Variants in PTPRD observed in about 807,000 individuals in gnomAD.
PTPRD encodes receptor-type tyrosine-protein phosphatase delta.
A neutral mutation model predicts 214.5 loss-of-function variants in PTPRD; 34 were observed. The observed-to-expected ratio is 0.16, with a 90% CI of 0.12 to 0.21. The LOEUF (loss-of-function observed/expected upper bound fraction) is 0.21. Ranked by LOEUF, PTPRD falls within the 10% of genes least tolerant of loss-of-function variation. PTPRD has a pLI of 1.00. For synonymous variants in PTPRD, 1,128 were observed against 845.7 expected, an observed-to-expected ratio of 1.33 and a Z score of -5.79; for missense variants, 2,545 against 2,398.7, an observed-to-expected ratio of 1.06 and a Z score of -1.27.
intron 2 of PTPRD, among the ~76,000 whole-genome samples, chr9:10,593,110 G>C (rs1316628148): frequency 6.6e-6 from 1 of 152,004 alleles, no homozygotes; most frequent in Non-Finnish European, 1.5e-5. Flanking sequence ...AGACACAGTA[G>C]AATATAATAC....
chr9:8,329,955 GGGAGTGGATCGTATCTTGCTGGGCTCTGT>G lies in PTPRD; in HGVS notation c.5534+1598_5534+1626del, dbSNP rs540966233. ...TGGATCGTATCTTGCTGGGCTCTGT[GGGAGTGGATCGTATCTTGCTGGGCTCTGT>G]GGGGGTGGGACACACCAAGCCAGGC... is the stretch of plus-strand genomic sequence containing the variant. On this transcript the variant is annotated intron_variant, in intron 44 of 45. Transcript: ENST00000381196. Among the ~76,000 whole-genome samples the G allele has an allele frequency of 2.9e-3, 161 of 55,634 alleles. 1 individual carries two copies. In the African/African-American group the frequency reaches 0.048, roughly 16 times the overall value. The allele number at this position is 55,634 out of a possible 152,430, so 36.5% of individuals were successfully genotyped here. A position where few individuals can be genotyped will look rare whatever the true frequency, so the allele number is the denominator to read the frequency against.
chr9:9,296,167 G>A (rs1256902308), intron 9 of PTPRD, among the ~76,000 whole-genome samples: 1 of 151,678 alleles, frequency 6.6e-6, no homozygotes, highest in Admixed American at 6.6e-5. Flanking sequence ...TTAACAAAAG[G>A]GCTATAAAAT....
At chr9:10,570,811 T>C (rs1193869330) in intron 2 of PTPRD, among the ~76,000 whole-genome samples, 1 of 152,126 alleles carries the variant, frequency 6.6e-6, no homozygotes, top group African/African-American at 2.4e-5. Flanking sequence ...TCAAGTGCTC[T>C]ATTGGCTTAC....
At chr9:10,165,602 A>C (rs922639093) in intron 3 of PTPRD, among the ~76,000 whole-genome samples, 46 of 151,796 alleles carry the variant, frequency 3.0e-4, no homozygotes, top group African/African-American at 1.0e-3. Flanking sequence ...TAATGTTTTA[A>C]AAGACTCAAT....
At chr9:10,057,629 G>T (rs1288405597) in intron 3 of PTPRD, among the ~76,000 whole-genome samples, 1 of 152,050 alleles carries the variant, frequency 6.6e-6, no homozygotes, top group Non-Finnish European at 1.5e-5. Flanking sequence ...TGGATCACGA[G>T]GTCAGGAGTT....
At chr9:8,638,647 C>G (rs1342984226) in intron 12 of PTPRD, among the ~76,000 whole-genome samples, 1 of 152,070 alleles carries the variant, frequency 6.6e-6, no homozygotes, top group Admixed American at 6.5e-5. Context: ...TGAATTACCA[C>G]CTCATCAGCA....
chr9:9,759,302 T>C (rs2098628117), intron 6 of PTPRD, among the ~76,000 whole-genome samples: 1 of 152,108 alleles, frequency 6.6e-6, no homozygotes. Flanking sequence ...ATTGGTAAAC[T>C]GGCACTGACT....
At chr9:9,111,552 C>T (rs533040232) in intron 10 of PTPRD, among the ~76,000 whole-genome samples, 67 of 152,242 alleles carry the variant, frequency 4.4e-4, no homozygotes, top group African/African-American at 1.3e-3. Flanking sequence ...CCAATACACA[C>T]TTTGGGAATT....
intron 2 of PTPRD, among the ~76,000 whole-genome samples, chr9:10,543,555 T>A (rs1192983540): frequency 1.3e-5 from 2 of 152,046 alleles, no homozygotes; most frequent in African/African-American, 2.4e-5. Flanking sequence ...TGTAAATATA[T>A]GTTTATGACC....
intron 3 of PTPRD, among the ~76,000 whole-genome samples, chr9:10,245,380 C>T (rs543917480): frequency 4.3e-4 from 65 of 152,230 alleles, no homozygotes; most frequent in African/African-American, 1.4e-3. Context: ...TATTTAATCA[C>T]ACCATTTTAT....
chr9:10,328,411 C>T (rs2096685858), intron 3 of PTPRD, among the ~76,000 whole-genome samples: 1 of 151,550 alleles, frequency 6.6e-6, no homozygotes, highest in Admixed American at 6.6e-5. Context: ...AAAGTAAGAG[C>T]AGCTTTTTAT....
At chr9:9,934,732 C>G (rs568498334) in intron 5 of PTPRD, among the ~76,000 whole-genome samples, 1 of 151,522 alleles carries the variant, frequency 6.6e-6, no homozygotes, top group Non-Finnish European at 1.5e-5. Flanking sequence ...TTTATGAGGC[C>G]AGCATCATTT....
intron 10 of PTPRD, among the ~76,000 whole-genome samples, chr9:9,052,590 T>C (rs2099688286): frequency 6.6e-6 from 1 of 152,202 alleles, no homozygotes; most frequent in Admixed American, 6.5e-5. Flanking sequence ...TGGTAAGTCA[T>C]ACAGTTAAGA....
chr9:10,489,381 G>C (rs1035572391), intron 2 of PTPRD, among the ~76,000 whole-genome samples: 1 of 152,146 alleles, frequency 6.6e-6, no homozygotes, highest in African/African-American at 2.4e-5. Context: ...CTCCAGTGGA[G>C]ATAAGAAGTC....
At chr9:9,325,468 G>T (rs1426795659) in intron 9 of PTPRD, among the ~76,000 whole-genome samples, 3 of 151,946 alleles carry the variant, frequency 2.0e-5, no homozygotes, top group East Asian at 1.9e-4. Context: ...TGAATGAGAG[G>T]TCACTCATTA....
chr9:9,120,275 C>T (rs912220875), intron 10 of PTPRD, among the ~76,000 whole-genome samples: 1 of 152,160 alleles, frequency 6.6e-6, no homozygotes, highest in Non-Finnish European at 1.5e-5. Context: ...TAACATCTTG[C>T]AGAACAGTGT....
At chr9:10,000,182 T>C (rs1320869326) in intron 4 of PTPRD, among the ~76,000 whole-genome samples, 1 of 152,160 alleles carries the variant, frequency 6.6e-6, no homozygotes, top group African/African-American at 2.4e-5. Flanking sequence ...GTTGCTTTTA[T>C]ATTAATGTTT....
chr9:8,500,541 T>C (rs1009440450), intron 24 of PTPRD, among the ~76,000 whole-genome samples: 3 of 72,028 alleles, frequency 4.2e-5, no homozygotes, highest in Admixed American at 2.0e-4. Context: ...AATTACTGCA[T>C]TGAGATTGAA....
chr9:9,695,147 G>A (rs143875624), intron 7 of PTPRD, among the ~76,000 whole-genome samples: 69 of 152,246 alleles, frequency 4.5e-4, no homozygotes, highest in African/African-American at 1.6e-3. Flanking sequence ...GTTATTCAGG[G>A]CTCAAGGGCT....
Sources: gnomAD v4.1 joint callset for allele counts (sites outside exome capture counted in the v4.1 genomes callset) on GRCh38, gnomAD v4.1.1 for gene constraint, MANE v1.5 for transcripts, NCBI Gene and HGNC (gene_info 2026-07-23, HGNC 2026-07-21) for gene names.